The following NGLY1 variants were observed in gnomAD, a reference collection of about 807,000 sequenced individuals.
NGLY1 encodes N-glycanase 1.
Under a neutral mutation model 84.6 loss-of-function variants are expected in NGLY1, and 68 were observed. That is an observed-to-expected ratio of 0.80 (90% confidence interval 0.66 to 0.98). The LOEUF is 0.98. Among genes scored for constraint, NGLY1 ranks in the 50% least tolerant of loss-of-function variants. The probability of loss-of-function intolerance (pLI) is 0.00; values close to 1 mark genes in which losing one functional copy is unlikely to be tolerated. For synonymous variants in NGLY1, 280 were observed against 275.2 expected (o/e 1.02, Z -0.17); for missense variants, 779 against 770.2 (o/e 1.01, Z -0.14).
Position 25,751,271 on chromosome 3 carries a change from GA to G in NGLY1, c.493-9del, listed in dbSNP as rs746574174. On this transcript the variant is annotated splice_polypyrimidine_tract_variant and intron_variant, in intron 3 of 11. Transcript: ENST00000280700. ...GGCTGAGTCAGCAGCAACCTAATAG[GA>G]AAAAAAAAAACTGAAATTAACTTTT... The G allele has an allele frequency of 4.1e-3, 4,746 of 1,152,368 alleles. 1 individual carries two copies. Among genetic ancestry groups the G allele is most frequent in the South Asian group, 0.011 (559 of 52,072 alleles). The allele number at this position is 1,152,368 out of a possible 1,614,324, so 71.4% of individuals were successfully genotyped here.
chr3:25,732,407 G>A lies in NGLY1; in HGVS notation c.1337C>T (p.Ser446Phe), dbSNP rs1705584484. The change falls in exon 9 of 12, where the codon TCT (serine) becomes TTT (phenylalanine). Residue 446 changes from serine (S) to phenylalanine (F), a missense_variant. By Grantham distance (155) the Ser-to-Phe change is radical. Coordinates refer to ENST00000280700, the MANE Select transcript of NGLY1 (RefSeq NM_018297.4). ...RIIVELVEFI[S>F]PKTPKPGELG... The stretch of plus-strand genomic sequence containing the variant: ...TTCTCCAGGTTTAGGGGTTTTGGGA[G>A]ATATAAATTCAACAAGCTCCACAAT... 2 of 1,613,778 alleles carry A rather than the reference G, an allele frequency of 1.2e-6. No individual in the cohort carries two copies. The highest frequency in any genetic ancestry group is 1.7e-6 in the Non-Finnish European group (2 of 1,179,740).
intron 3 of NGLY1, among the ~76,000 whole-genome samples, chr3:25,760,339 T>C (rs940915204): frequency 1.3e-5 from 2 of 152,140 alleles, no homozygotes; most frequent in African/African-American, 4.8e-5. Context: ...ACAACATATG[T>C]TGTTTAATTT....
chr3:25,777,448 T>C (rs971445292), intron 2 of NGLY1, among the ~76,000 whole-genome samples: 1 of 141,610 alleles, frequency 7.1e-6, no homozygotes, highest in Non-Finnish European at 1.6e-5. Context: ...TCACTTAAAA[T>C]AAAGTCTAAG....
chr3:25,737,257 T>C, intron 6 of NGLY1, 77 bp downstream of exon 6: 1 of 1,260,912 alleles, frequency 7.9e-7, no homozygotes, highest in Non-Finnish European at 1.1e-6. Flanking sequence ...TAACAGAGAA[T>C]CATGGGCTCA....
In NGLY1 at chr3:25,783,266, A is replaced by C; in HGVS notation, c.125T>G (p.Ile42Ser). 1 of 1,592,634 alleles carries C rather than the reference A, an allele frequency of 6.3e-7. No individual in the cohort carries two copies. Among genetic ancestry groups the C allele is most frequent in the Non-Finnish European group, 8.6e-7 (1 of 1,165,334 alleles). Residue 42 changes from isoleucine to serine, a missense_variant, in exon 1 of 12, where the codon ATC becomes AGC. Coordinates refer to ENST00000280700, the MANE Select transcript of NGLY1 (RefSeq NM_018297.4). The surrounding 1 kb of genome is among the most constrained non-coding windows in gnomAD (Gnocchi z 4.5). Reference protein sequence around the residue: ...SKLLLTYADNILRNPNDEKYR... With the variant: ...SKLLLTYADNSLRNPNDEKYR... ...CGACCCCGTTGCCCTGCACCTGAGG[A>C]TGTTGTCAGCATAGGTGAGCAGCAG...
rs777412279 is a variant in NGLY1 at position 25,719,431 on chromosome 3, T to C, written c.*29A>G. On this transcript the variant is annotated 3_prime_UTR_variant, in exon 12 of 12. Coordinates refer to ENST00000280700, the MANE Select transcript of NGLY1 (RefSeq NM_018297.4). ...GACTACTTCAGTAAGTCCTTGATTA[T>C]TGCCAGCTTTTCTATAATGTTCAGG... 12 of 1,603,958 alleles carry C rather than the reference T, an allele frequency of 7.5e-6. No individual in the cohort carries two copies. In the East Asian group the frequency reaches 2.0e-4, roughly 27 times the overall value.
At chr3:25,741,893 C>G (rs866455194) in intron 4 of NGLY1, among the ~76,000 whole-genome samples, 10 of 152,054 alleles carry the variant, frequency 6.6e-5, no homozygotes, top group South Asian at 2.1e-4. Flanking sequence ...CCCAGCTACT[C>G]AGGAAGCTGA....
At chr3:25,784,725 A>G (rs1708564572), upstream of NGLY1, among the ~76,000 whole-genome samples, 1 of 152,228 alleles carries the variant, frequency 6.6e-6, no homozygotes, top group African/African-American at 2.4e-5. Flanking sequence ...ATCCAGTTCA[A>G]TGACTATTCG....
Position 25,764,141 on chromosome 3 carries a change from A to C in NGLY1, c.417T>G (p.Ser139=). The part of the protein sequence containing the change: ...AASTQLPTTP[S]SNPSGLNQHT... ...GCTGGTTTAACCCACTGGGATTTGA[A>C]GATGGTGTTGTAGGAAGCTGGGTAC... Residue 139 remains serine, a synonymous_variant, in exon 3 of 12, where the codon TCT becomes TCG. Transcript: ENST00000280700. 2 of 1,614,196 alleles carry C rather than the reference A, an allele frequency of 1.2e-6. No homozygotes were observed. Among genetic ancestry groups the C allele is most frequent in the Non-Finnish European group, 1.7e-6 (2 of 1,180,024 alleles).
chr3:25,750,013 C>T, intron 4 of NGLY1: 2 of 527,058 alleles, frequency 3.8e-6, no homozygotes, highest in Non-Finnish European at 6.7e-6. Flanking sequence ...TGTTCTTATG[C>T]TGCTATGATG....
chr3:25,731,067 A>C (rs1251437777), intron 9 of NGLY1, among the ~76,000 whole-genome samples: 1 of 152,006 alleles, frequency 6.6e-6, no homozygotes, highest in Non-Finnish European at 1.5e-5. Flanking sequence ...TTGTTATTTA[A>C]TTTTGGAAGA....
chr3:25,776,637 C>G (rs759676951), intron 2 of NGLY1, among the ~76,000 whole-genome samples: 21 of 152,112 alleles, frequency 1.4e-4, no homozygotes, highest in Non-Finnish European at 7.4e-5. Context: ...TAGTTTCTCC[C>G]CTAAAACCTG....
chr3:25,740,004 A>C (rs2125486223), intron 4 of NGLY1, among the ~76,000 whole-genome samples: 1 of 152,364 alleles, frequency 6.6e-6, no homozygotes, highest in East Asian at 1.9e-4. Flanking sequence ...CATTAAAAAC[A>C]GTAGAACATT....
At chr3:25,737,608 T>C (rs1056027045) in intron 5 of NGLY1, among the ~76,000 whole-genome samples, 153 bp from the exon 6 acceptor site, 5 of 151,388 alleles carry the variant, frequency 3.3e-5, no homozygotes, top group African/African-American at 1.2e-4. Flanking sequence ...AGTGGCGCAA[T>C]CTCGGCTCAC....
At chr3:25,746,167 A>G (rs1441797051) in intron 4 of NGLY1, among the ~76,000 whole-genome samples, 6 of 152,132 alleles carry the variant, frequency 3.9e-5, no homozygotes, top group African/African-American at 1.2e-4. Flanking sequence ...GTCTAACTGT[A>G]TTATTCATTG....
chr3:25,783,459 C>T, upstream of NGLY1: 1 of 1,374,012 alleles, frequency 7.3e-7, no homozygotes, highest in Non-Finnish European at 9.4e-7. This position sits in a 1 kb window ranked among gnomAD's most constrained non-coding sequence, Gnocchi z 4.5. Flanking sequence ...GGCGCCTCAG[C>T]GCGCAGCAGC....
intron 3 of NGLY1, among the ~76,000 whole-genome samples, chr3:25,752,390 T>C (rs1252461222): frequency 1.3e-5 from 2 of 152,020 alleles, no homozygotes; most frequent in Non-Finnish European, 2.9e-5. Context: ...CCCAGCTTAT[T>C]TTTGTATTTT....
chr3:25,786,437 A>C (rs1297600661), upstream of NGLY1, among the ~76,000 whole-genome samples: 2 of 152,216 alleles, frequency 1.3e-5, no homozygotes, highest in East Asian at 3.8e-4. Flanking sequence ...TAAATAAATA[A>C]AAGAACAAGA....
chr3:25,757,191 G>C (rs1707084529), intron 3 of NGLY1, among the ~76,000 whole-genome samples: 1 of 152,064 alleles, frequency 6.6e-6, no homozygotes, highest in Admixed American at 6.6e-5. Flanking sequence ...AAAGGTAATA[G>C]AAAAACAGGT....
Sources: gnomAD v4.1 joint callset for allele counts (sites outside exome capture counted in the v4.1 genomes callset) on GRCh38, gnomAD v4.1.1 for gene constraint, Gnocchi (gnomAD v3.1) non-coding constraint, MANE v1.5 for transcripts, NCBI Gene and HGNC (gene_info 2026-07-23, HGNC 2026-07-21) for gene names.